SPMIP6: variants seen among roughly 807,000 people sequenced by gnomAD.
SPMIP6 encodes ciliated bronchial epithelial protein 1.
chr9:34,385,906 C>A, the SPMIP6 span: 1 of 852,648 alleles, frequency 1.2e-6, no homozygotes, highest in Non-Finnish European at 1.8e-6. Flanking sequence ...CCCCCCTCCC[C>A]ATGTCAGAGG....
chr9:34,390,762 G>A, the SPMIP6 span, among the ~76,000 whole-genome samples: 2 of 151,986 alleles, frequency 1.3e-5, no homozygotes, highest in Non-Finnish European at 2.9e-5. Flanking sequence ...TGGGACCATA[G>A]GTGTGTGCCA....
the SPMIP6 span, chr9:34,382,930 G>T: frequency 3.7e-6 from 4 of 1,088,650 alleles, no homozygotes; most frequent in African/African-American, 6.2e-5. Context: ...CAGGATCTGA[G>T]ATCCCCTACA....
chr9:34,385,099 G>GT, the SPMIP6 span, among the ~76,000 whole-genome samples: 10 of 151,508 alleles, frequency 6.6e-5, no homozygotes, highest in Admixed American at 1.3e-4. Flanking sequence ...GCCCTTCCAG[G>GT]TTTTTTTTTC....
chr9:34,381,557 C>T, the SPMIP6 span: 1 of 1,537,498 alleles, frequency 6.5e-7, no homozygotes. This position sits in a 1 kb window ranked among gnomAD's most constrained non-coding sequence, Gnocchi z 4.4. Flanking sequence ...TCCCGCCCTT[C>T]AGCAGCTCCC....
the SPMIP6 span, chr9:34,379,823 G>C: frequency 1.0e-6 from 1 of 981,384 alleles, no homozygotes; most frequent in Non-Finnish European, 1.6e-6. This position sits in a 1 kb window ranked among gnomAD's most constrained non-coding sequence, Gnocchi z 4.2. Context: ...GGCGCTTCAG[G>C]TGTCCGTCCC....
At chr9:34,396,286 A>G in the SPMIP6 span, among the ~76,000 whole-genome samples, 1 of 152,118 alleles carries the variant, frequency 6.6e-6, no homozygotes, top group African/African-American at 2.4e-5. Context: ...TTCTACATTC[A>G]GCGTATATTT....
At chr9:34,386,543 C>A in the SPMIP6 span, among the ~76,000 whole-genome samples, 1 of 148,962 alleles carries the variant, frequency 6.7e-6, no homozygotes, top group African/African-American at 2.5e-5. Context: ...GAGCTGAGAT[C>A]GTGCCACTGC....
chr9:34,388,967 T>G, the SPMIP6 span, among the ~76,000 whole-genome samples: 1 of 142,598 alleles, frequency 7.0e-6, no homozygotes, highest in Non-Finnish European at 1.5e-5. Flanking sequence ...AGGGTCTCAC[T>G]GTTGCCCAGG....
chr9:34,390,380 C>T, the SPMIP6 span, among the ~76,000 whole-genome samples: 11 of 152,086 alleles, frequency 7.2e-5, no homozygotes, highest in Non-Finnish European at 1.2e-4. Flanking sequence ...AAAATGGCTT[C>T]ATTGAGGTAT....
the SPMIP6 span, chr9:34,385,717 G>C: frequency 1.9e-6 from 3 of 1,613,650 alleles, no homozygotes; most frequent in Non-Finnish European, 2.5e-6. Flanking sequence ...GTCCTGTACA[G>C]CACATTTGGC....
At chr9:34,380,797 G>C in the SPMIP6 span, 1 of 1,539,848 alleles carries the variant, frequency 6.5e-7, no homozygotes, top group East Asian at 2.5e-5. Flanking sequence ...GAGCAGGCTG[G>C]GGGCCTGCAC....
chr9:34,381,420 G>T, the SPMIP6 span: 1 of 1,614,032 alleles, frequency 6.2e-7, no homozygotes, highest in Non-Finnish European at 8.5e-7. The surrounding 1 kb of genome is among the most constrained non-coding windows in gnomAD (Gnocchi z 4.4). Context: ...GGCATTCCTC[G>T]AACTGCTGTC....
the SPMIP6 span, among the ~76,000 whole-genome samples, chr9:34,385,108 T>C: frequency 2.6e-5 from 4 of 151,972 alleles, no homozygotes; most frequent in South Asian, 4.2e-4. Flanking sequence ...GGTTTTTTTT[T>C]CCACCGACAA....
chr9:34,390,484 TG>T, the SPMIP6 span, among the ~76,000 whole-genome samples: 9 of 152,204 alleles, frequency 5.9e-5, no homozygotes, highest in Non-Finnish European at 1.3e-4. Context: ...AATGATCTTC[TG>T]TTTTTTTTCT....
At chr9:34,380,917 G>C in the SPMIP6 span, 1 of 1,591,662 alleles carries the variant, frequency 6.3e-7, no homozygotes, top group African/African-American at 1.3e-5. Flanking sequence ...GTTGCTCCCG[G>C]CACCAAGGCC....
the SPMIP6 span, among the ~76,000 whole-genome samples, chr9:34,389,401 C>A: frequency 1.3e-5 from 2 of 152,294 alleles, no homozygotes; most frequent in Admixed American, 1.3e-4. Flanking sequence ...TTGGATAACT[C>A]ATCTTCTTTA....
At chr9:34,390,698 T>C in the SPMIP6 span, among the ~76,000 whole-genome samples, 69 of 152,288 alleles carry the variant, frequency 4.5e-4, no homozygotes, top group African/African-American at 1.6e-3. Context: ...ACACTTTTGA[T>C]TAATTTTTTT....
the SPMIP6 span, chr9:34,379,732 T>C: frequency 6.2e-7 from 1 of 1,613,334 alleles, no homozygotes; most frequent in Non-Finnish European, 8.5e-7. The surrounding 1 kb of genome is among the most constrained non-coding windows in gnomAD (Gnocchi z 4.2). Flanking sequence ...GAGGTACACA[T>C]CTGGAGAAGG....
the SPMIP6 span, chr9:34,381,275 C>T: frequency 6.3e-7 from 1 of 1,598,276 alleles, no homozygotes; most frequent in East Asian, 2.2e-5. The surrounding 1 kb of genome is among the most constrained non-coding windows in gnomAD (Gnocchi z 4.4). Flanking sequence ...CCCTCGGCCT[C>T]CTCCCCGTCC....
Sources: allele counts gnomAD v4.1 joint callset (sites outside exome capture counted in the v4.1 genomes callset), GRCh38; gene constraint gnomAD v4.1.1; non-coding constraint Gnocchi (gnomAD v3.1); transcripts MANE v1.5; gene names NCBI Gene and HGNC (gene_info 2026-07-23, HGNC 2026-07-21).